The following IRS1 variants were observed in gnomAD, a reference collection of about 807,000 sequenced individuals.
IRS1 encodes the protein insulin receptor substrate 1.
Under a neutral mutation model 65.6 loss-of-function variants are expected in IRS1, and 34 were observed. The ratio of observed to expected loss-of-function variants is 0.52; its 90% confidence interval spans 0.39 to 0.69. IRS1 has a LOEUF of 0.69. Ranked by LOEUF, IRS1 falls within the 30% of genes least tolerant of loss-of-function variation. IRS1 has a pLI of 0.00. For missense variants in IRS1, 1,641 were observed against 1,720.2 expected, an observed-to-expected ratio of 0.95 and a Z score of 0.81; for synonymous variants, 699 against 683.5, an observed-to-expected ratio of 1.02 and a Z score of -0.35.
At chr2:226,785,598 G>A (rs189578542) in intron 1 of IRS1, among the ~76,000 whole-genome samples, 26 of 152,212 alleles carry the variant, frequency 1.7e-4, no homozygotes, top group East Asian at 1.4e-3. Flanking sequence ...GTGAGACTCC[G>A]TCTCAAAAAG....
intron 1 of IRS1, among the ~76,000 whole-genome samples, chr2:226,740,531 G>C (rs577537312): frequency 6.6e-6 from 1 of 152,094 alleles, no homozygotes. Flanking sequence ...CTTACTGATC[G>C]TTTTTACTGG....
rs139675201 is a variant in IRS1 at position 226,797,596 on chromosome 2, G to A, written c.1143C>T (p.Arg381=). The change falls in exon 1 of 2, where the codon CGC becomes CGT. Residue 381 remains arginine, a synonymous_variant. Coordinates refer to ENST00000305123, the MANE Select transcript of IRS1 (RefSeq NM_005544.3). This position sits in a 1 kb window ranked among gnomAD's most constrained non-coding sequence, Gnocchi z 8.1. The part of the protein sequence containing the change: ...HSRSIPMPAS[R]CSPSATSPVS... ...CCGGGCTGGTGGCCGAAGGCGAGCA[G>A]CGGGAAGCCGGCATGGGGATGGAGC... 712 of 1,589,022 alleles carry A rather than the reference G, an allele frequency of 4.5e-4. No individual in the cohort carries two copies. Among genetic ancestry groups the A allele is most frequent in the Non-Finnish European group, 5.9e-4 (689 of 1,170,986 alleles).
chr2:226,790,738 C>T (rs756514608), intron 1 of IRS1, among the ~76,000 whole-genome samples: 24 of 152,182 alleles, frequency 1.6e-4, no homozygotes, highest in African/African-American at 5.8e-4. Flanking sequence ...GGAGAAAATA[C>T]TCCCATAGCA....
At chr2:226,755,405 G>C (rs1402198426) in intron 1 of IRS1, among the ~76,000 whole-genome samples, 1 of 152,144 alleles carries the variant, frequency 6.6e-6, no homozygotes, top group Non-Finnish European at 1.5e-5. Context: ...ATATTGTACA[G>C]TTTACATATA....
At position 226,765,436 on chromosome 2, in the gene IRS1, C is replaced by T. The variant is rs181580125; in HGVS notation, c.*22-29186G>A. 4.6e-3 allele frequency among the ~76,000 whole-genome samples: 705 copies of T among 152,288 alleles called. 4 individuals carry two copies. Among genetic ancestry groups the T allele is most frequent in the African/African-American group, 0.016 (662 of 41,550 alleles). On this transcript the variant is annotated intron_variant, in intron 1 of 1. Transcript: ENST00000305123. ...GAAGGGTACTCTGTGCATCCTACTC[C>T]TGGACTGGTCCACATAAGGGCCAGG... is the stretch of plus-strand genomic sequence containing the variant.
Position 226,799,559 on chromosome 2 carries a change from G to A in IRS1, c.-821C>T, listed in dbSNP as rs924027756. The stretch of plus-strand genomic sequence containing the variant: ...CGCTCCAGGCGGCTGGGGAGGAGGG[G>A]AGGGGACAAGGGCGAGAGGGGATGG... On this transcript the variant is annotated 5_prime_UTR_variant, in exon 1 of 2. Transcript: ENST00000305123. This position sits in a 1 kb window ranked among gnomAD's most constrained non-coding sequence, Gnocchi z 6.1. 1.9e-6 allele frequency: 2 copies of A among 1,073,310 alleles called. No homozygotes were observed. The highest frequency in any genetic ancestry group is 1.7e-5 in the African/African-American group (1 of 57,872). 66.5% of individuals were successfully genotyped at this position (1,073,310 alleles called of 1,614,324 possible).
chr2:226,760,123 C>T (rs980068136), intron 1 of IRS1, among the ~76,000 whole-genome samples: 6 of 152,016 alleles, frequency 3.9e-5, no homozygotes, highest in African/African-American at 9.7e-5. Context: ...TGCAGTGAAC[C>T]GTGATTGTGC....
At chr2:226,782,523 C>T (rs777898544) in intron 1 of IRS1, among the ~76,000 whole-genome samples, 9 of 152,194 alleles carry the variant, frequency 5.9e-5, no homozygotes, top group Non-Finnish European at 1.2e-4. Context: ...TGCTCTCCAC[C>T]TCCCCAGACA....
In IRS1 at chr2:226,797,507, C is replaced by G. The variant is rs1272536440; in HGVS notation, c.1232G>C (p.Arg411Pro). The G allele has an allele frequency of 6.2e-6, 10 of 1,612,982 alleles. No individual in the cohort carries two copies. Among genetic ancestry groups the G allele is most frequent in the African/African-American group, 2.7e-5 (2 of 74,934 alleles). Residue 411 changes from arginine to proline, a missense_variant, in exon 1 of 2, where the codon CGA becomes CCA. Transcript: ENST00000305123. The surrounding 1 kb of genome is among the most constrained non-coding windows in gnomAD (Gnocchi z 8.1). The part of the protein sequence containing the change: ...GSTSDCLFPR[R>P]SSASVSGSPS... Reference sequence around the variant, plus strand: ...GGAACCAGACACCGAAGCACTAGATCGCCGTGGGAAGAGACAATCCGAGGT... The same window carrying G: ...GGAACCAGACACCGAAGCACTAGATGGCCGTGGGAAGAGACAATCCGAGGT...
intron 1 of IRS1, among the ~76,000 whole-genome samples, chr2:226,748,173 A>C (rs1364760397): frequency 6.6e-6 from 1 of 151,996 alleles, no homozygotes; most frequent in East Asian, 1.9e-4. Context: ...CACACCTGTA[A>C]TACCAGCACT....
Position 226,794,920 on chromosome 2 carries a change from C to G in IRS1, c.*21+69G>C. 1 of 1,370,696 alleles carries G rather than the reference C, an allele frequency of 7.3e-7. No homozygotes were observed. 84.9% of individuals were successfully genotyped at this position (1,370,696 alleles called of 1,614,324 possible). ...GGGAAAGAACAGGAAGGGGCAGAGG[C>G]GAAGAACAGAATTCAAGGACAAGGT... On this transcript the variant is annotated intron_variant, in intron 1 of 1. Transcript: ENST00000305123. The surrounding 1 kb of genome is among the most constrained non-coding windows in gnomAD (Gnocchi z 4.1).
intron 1 of IRS1, among the ~76,000 whole-genome samples, chr2:226,773,704 T>G (rs746786136): frequency 6.6e-6 from 1 of 151,658 alleles, no homozygotes; most frequent in African/African-American, 2.4e-5. Flanking sequence ...AAACAAAACA[T>G]GTGTGCTTTT....
At chr2:226,762,944 G>A (rs541895195) in intron 1 of IRS1, among the ~76,000 whole-genome samples, 4 of 152,202 alleles carry the variant, frequency 2.6e-5, no homozygotes, top group African/African-American at 7.2e-5. Flanking sequence ...GTTAACAGGC[G>A]TGCATTTGTT....
chr2:226,787,096 C>T (rs975962424), intron 1 of IRS1, among the ~76,000 whole-genome samples: 1 of 152,194 alleles, frequency 6.6e-6, no homozygotes, highest in African/African-American at 2.4e-5. Flanking sequence ...ACTGACCACC[C>T]CATAACAAGT....
chr2:226,785,680 A>T (rs1939472594), intron 1 of IRS1, among the ~76,000 whole-genome samples: 1 of 152,156 alleles, frequency 6.6e-6, no homozygotes, highest in African/African-American at 2.4e-5. Flanking sequence ...GAAAAACCAG[A>T]TCATTTTTTA....
chr2:226,781,244 T>G (rs1370692557), intron 1 of IRS1, among the ~76,000 whole-genome samples: 1 of 152,206 alleles, frequency 6.6e-6, no homozygotes, highest in Non-Finnish European at 1.5e-5. Flanking sequence ...TTTTACTTAC[T>G]TTCGCTGGAA....
intron 1 of IRS1, among the ~76,000 whole-genome samples, chr2:226,768,798 G>A (rs111546987): frequency 0.038 from 5,755 of 152,100 alleles, 164 homozygotes; most frequent in African/African-American, 0.075. Flanking sequence ...CACCACGCCC[G>A]GCTAATTTTT....
intron 1 of IRS1, among the ~76,000 whole-genome samples, chr2:226,739,313 C>T (rs570984919): frequency 2.6e-5 from 4 of 152,230 alleles, no homozygotes; most frequent in African/African-American, 9.6e-5. Context: ...AGTTTAGCTA[C>T]CAAATAATGA....
Position 226,798,312 on chromosome 2 carries a change from C to G in IRS1, c.427G>C (p.Gly143Arg). The change falls in exon 1 of 2, where the codon GGT becomes CGT. Residue 143 changes from glycine to arginine, a missense_variant. Coordinates refer to ENST00000305123, the MANE Select transcript of IRS1 (RefSeq NM_005544.3). The surrounding 1 kb of genome is among the most constrained non-coding windows in gnomAD (Gnocchi z 9.4). Reference sequence around the variant, plus strand: ...TAGCTCAAGTCCTCCCCAGCCTCACCAAGGCCGGAGCTGCCGCTGCAGCTG... The same window carrying G: ...TAGCTCAAGTCCTCCCCAGCCTCACGAAGGCCGGAGCTGCCGCTGCAGCTG... ...GGSCSGSSGL[G>R]EAGEDLSYGD... is the part of the protein sequence containing the mutation. 6.2e-7 allele frequency: 1 copy of G among 1,613,248 alleles called. No individual in the cohort carries two copies. Among genetic ancestry groups the G allele is most frequent in the Admixed American group, 1.7e-5 (1 of 60,026 alleles).
Sources: allele counts gnomAD v4.1 joint callset (sites outside exome capture counted in the v4.1 genomes callset), GRCh38; gene constraint gnomAD v4.1.1; non-coding constraint Gnocchi (gnomAD v3.1); transcripts MANE v1.5; gene names NCBI Gene and HGNC (gene_info 2026-07-23, HGNC 2026-07-21).